FER1L6: variants seen among roughly 807,000 people sequenced by gnomAD.
FER1L6 encodes the protein fer-1 like family member 6, also known as fer-1-like protein 6.
In FER1L6, 177 loss-of-function variants were observed where a neutral mutation model predicts 219.2. The observed-to-expected ratio is 0.81, with a 90% CI of 0.71 to 0.91. The LOEUF is 0.91. Among genes scored for constraint, FER1L6 ranks in the 40% least tolerant of loss-of-function variants. The pLI is 0.00. For missense variants in FER1L6, 2,153 were observed against 2,259.9 expected (o/e 0.95, Z 0.96); for synonymous variants, 768 against 824.3 (o/e 0.93, Z 1.17).
At chr8:123,995,301 C>G (rs113820333) in intron 12 of FER1L6, among the ~76,000 whole-genome samples, 5 of 152,248 alleles carry the variant, frequency 3.3e-5, no homozygotes, top group African/African-American at 1.2e-4. Context: ...GCCATGGGGT[C>G]CTGGACTTTT....
chr8:124,087,610 T>G (rs1374230220), intron 33 of FER1L6, among the ~76,000 whole-genome samples: 5 of 152,152 alleles, frequency 3.3e-5, no homozygotes, highest in African/African-American at 1.2e-4. Context: ...GATAATGTTT[T>G]CCCGGATGGC....
At chr8:124,025,628 T>G (rs1818674852) in intron 18 of FER1L6, among the ~76,000 whole-genome samples, 1 of 152,226 alleles carries the variant, frequency 6.6e-6, no homozygotes, top group Non-Finnish European at 1.5e-5. Context: ...AGATTTGTTC[T>G]TTTTCTTTAG....
rs991815242 is a variant in FER1L6, at chr8:123,973,434, G to A, written c.448G>A (p.Val150Ile). Residue 150 changes from valine (V) to isoleucine (I), a missense_variant and splice_region_variant, in exon 7 of 41, where the codon GTC (valine) becomes ATC (isoleucine). Coordinates refer to ENST00000522917, the MANE Select transcript of FER1L6 (RefSeq NM_001039112.2). ...HLFDKIIKIS[V>I]FHHKLIGSVL... ...TACTCCCTGCTCTCTCTCTCCTCAG[G>A]TCTTTCACCACAAGCTGATAGGAAG... 2 of 1,613,394 alleles carry A rather than the reference G, an allele frequency of 1.2e-6. No individual in the cohort carries two copies. Among genetic ancestry groups the A allele is most frequent in the East Asian group, 2.2e-5 (1 of 44,870 alleles).
At position 124,020,384 on chromosome 8, in the gene FER1L6, C is replaced by T. The variant is rs368762552; in HGVS notation, c.2014-1166C>T. ...GTCAAGTTCTAGGGCTTCTGAGGAC[C>T]AGTGTGCCTGAGGCACAGTGAGTGA... On this transcript the variant is annotated intron_variant, in intron 16 of 40. Transcript: ENST00000522917. Among the ~76,000 whole-genome samples, 18 of 152,266 alleles carry T rather than the reference C, an allele frequency of 1.2e-4. No homozygotes were observed. In the South Asian group the frequency reaches 3.7e-3, roughly 32 times the overall value.
Position 124,097,330 on chromosome 8 carries a change from T to C in FER1L6, c.4755T>C (p.Pro1585=). ...FPKDMPQPGP[P]VDISPRRPKG... ...AGGATATGCCTCAACCTGGACCTCC[T>C]GTTGACATCTCTCCAAGGCGACCCA... Residue 1585 remains proline, a synonymous_variant, in exon 36 of 41, where the codon CCT becomes CCC. Transcript: ENST00000522917. 2 of 1,613,458 alleles carry C rather than the reference T, an allele frequency of 1.2e-6. No homozygotes were observed. The highest frequency in any genetic ancestry group is 1.7e-6 in the Non-Finnish European group (2 of 1,179,568).
chr8:124,118,987 C>T (rs374027647), intron 40 of FER1L6, 43 bp downstream of exon 40: 13 of 1,462,386 alleles, frequency 8.9e-6, no homozygotes, highest in Non-Finnish European at 1.1e-5. Context: ...TGGGAAGGGG[C>T]CTTTGCAGTC....
intron 21 of FER1L6, among the ~76,000 whole-genome samples, chr8:124,048,216 G>A (rs1005736064): frequency 6.6e-6 from 1 of 152,180 alleles, no homozygotes; most frequent in Non-Finnish European, 1.5e-5. Flanking sequence ...TGCTTCAGGA[G>A]TCCAGAGACA....
At chr8:123,892,293 A>AT (rs1008824407) in intron 1 of FER1L6, among the ~76,000 whole-genome samples, 54 of 150,030 alleles carry the variant, frequency 3.6e-4, no homozygotes, top group South Asian at 2.3e-3. Flanking sequence ...GGAAAGACAG[A>AT]TTTTTTTTTT....
intron 1 of FER1L6, among the ~76,000 whole-genome samples, chr8:123,864,584 T>C (rs1324598158): frequency 6.7e-6 from 1 of 149,752 alleles, no homozygotes; most frequent in Non-Finnish European, 1.5e-5. Context: ...GTTTTCCAAC[T>C]TGGTTCCATT....
chr8:124,106,956 T>C (rs1457269540), intron 39 of FER1L6, among the ~76,000 whole-genome samples: 1 of 149,446 alleles, frequency 6.7e-6, no homozygotes, highest in African/African-American at 2.5e-5. Context: ...TTTTTTTTTT[T>C]TTTTTTTTTT....
At position 123,980,613 on chromosome 8, in the gene FER1L6, A is replaced by G; in HGVS notation, c.1212A>G (p.Glu404=). The part of the protein sequence containing the change: ...RGRILVEIAV[E]ILSGRAQESK... ...GAATCTTGGTAGAAATTGCTGTGGA[A>G]ATCCTCTCAGGACGGGCACAGGAAT... is the stretch of plus-strand genomic sequence containing the variant. The change falls in exon 11 of 41, where the codon GAA becomes GAG. Residue 404 remains glutamate (E), a synonymous_variant. Transcript: ENST00000522917. 1 of 1,614,126 alleles carries G rather than the reference A, an allele frequency of 6.2e-7. No homozygotes were observed.
chr8:124,118,924 A>G lies in FER1L6; in HGVS notation c.5370A>G (p.Pro1790=). The change falls in exon 40 of 41, where the codon CCA becomes CCG. Residue 1790 remains proline (P), a synonymous_variant. Transcript: ENST00000522917. Reference sequence around the variant, plus strand: ...CTGTTGGAAAAGCCCGAAAGGAGCCAGAGCCCCTGGCCAAGCCCAAGTGAG... The same window carrying G: ...CTGTTGGAAAAGCCCGAAAGGAGCCGGAGCCCCTGGCCAAGCCCAAGTGAG... ...KNPVGKARKE[P]EPLAKPNRPD... 1.2e-6 allele frequency: 2 copies of G among 1,613,710 alleles called. No homozygotes were observed. The highest frequency in any genetic ancestry group is 1.7e-4 in the Middle Eastern group (1 of 6,052).
chr8:123,926,227 A>G (rs1210652851), intron 1 of FER1L6, among the ~76,000 whole-genome samples: 1 of 152,200 alleles, frequency 6.6e-6, no homozygotes, highest in Non-Finnish European at 1.5e-5. Context: ...TGGAAGTTCA[A>G]GAGAATCTTG....
intron 1 of FER1L6, among the ~76,000 whole-genome samples, chr8:123,862,874 T>C (rs1480001205): frequency 6.9e-6 from 1 of 145,922 alleles, no homozygotes; most frequent in Non-Finnish European, 1.5e-5. Context: ...CTCTCTCTTT[T>C]TCTTTATTAG....
intron 1 of FER1L6, among the ~76,000 whole-genome samples, chr8:123,878,133 G>A (rs1429004334): frequency 2.0e-5 from 3 of 151,474 alleles, no homozygotes; most frequent in African/African-American, 4.9e-5. Context: ...GAAGAAGGGG[G>A]CAGTACAGTA....
Position 123,916,284 on chromosome 8 carries a change from T to TA in FER1L6, c.-7-39707dup, listed in dbSNP as rs1813188435. Reference sequence around the variant, plus strand: ...AACAAATTGAGATCAGGGTCAGTCTTACTGTCTTCCAGATTCTTGGATGGC... The same window carrying TA: ...AACAAATTGAGATCAGGGTCAGTCTTAACTGTCTTCCAGATTCTTGGATGGC... On this transcript the variant is annotated intron_variant, in intron 1 of 40. Coordinates refer to ENST00000522917, the MANE Select transcript of FER1L6 (RefSeq NM_001039112.2). Among the ~76,000 whole-genome samples, 3 of 152,230 alleles carry TA rather than the reference T, an allele frequency of 2.0e-5. No homozygotes were observed. The South Asian group carries it at 6.2e-4, about 32-fold the overall frequency.
chr8:123,879,722 T>TACACAC (rs139893329), intron 1 of FER1L6, among the ~76,000 whole-genome samples: 1 of 151,332 alleles, frequency 6.6e-6, no homozygotes, highest in African/African-American at 2.4e-5. Context: ...TGCATGCGCA[T>TACACAC]ACACACACAC....
intron 1 of FER1L6, among the ~76,000 whole-genome samples, chr8:123,885,268 TTC>T (rs1817180835): frequency 6.6e-6 from 1 of 152,204 alleles, no homozygotes; most frequent in Admixed American, 6.5e-5. Context: ...AGTGTGGATT[TTC>T]TCTTTTTCCC....
intron 1 of FER1L6, among the ~76,000 whole-genome samples, chr8:123,866,987 G>A (rs1405837260): frequency 6.6e-6 from 1 of 152,120 alleles, no homozygotes; most frequent in African/African-American, 2.4e-5. Context: ...CTTATCAGAT[G>A]TATAGTTTGC....
Sources: allele counts gnomAD v4.1 joint callset (sites outside exome capture counted in the v4.1 genomes callset), GRCh38; gene constraint gnomAD v4.1.1; transcripts MANE v1.5; gene names NCBI Gene and HGNC (gene_info 2026-07-23, HGNC 2026-07-21).